MYLK3: variants seen among roughly 807,000 people sequenced by gnomAD.
MYLK3 encodes MLC kinase.
MYLK3 carries 55 observed loss-of-function variants against 76.3 expected under a neutral mutation model. The observed-to-expected ratio is 0.72, with a 90% confidence interval of 0.58 to 0.90. The LOEUF (loss-of-function observed/expected upper bound fraction) is 0.90, where lower values mean the gene tolerates loss of function less well. MYLK3 is among the 40% of genes least tolerant of loss of function. MYLK3 has a pLI of 0.00. For missense variants in MYLK3, 973 were observed against 1,053.6 expected, an observed-to-expected ratio of 0.92 and a Z score of 1.06; for synonymous variants, 416 against 425.4, an observed-to-expected ratio of 0.98 and a Z score of 0.27.
At chr16:46,720,972 G>A (rs750104850) in intron 9 of MYLK3, 151 bp downstream of exon 9, 3 of 715,360 alleles carry the variant, frequency 4.2e-6, no homozygotes, top group Non-Finnish European at 5.0e-6. Flanking sequence ...AGGCCTGTCT[G>A]CAAGTCAAAG....
intron 1 of MYLK3, among the ~76,000 whole-genome samples, chr16:46,758,651 A>G (rs1419927593): frequency 6.6e-6 from 1 of 152,154 alleles, no homozygotes; most frequent in Non-Finnish European, 1.5e-5. Context: ...CAGACACGAG[A>G]AGGGTCATTT....
At chr16:46,710,511 A>G (rs1966671458) in intron 11 of MYLK3, 126 bp downstream of exon 11, 2 of 1,099,866 alleles carry the variant, frequency 1.8e-6, no homozygotes. Context: ...AGAAGTAGCA[A>G]ACTAAGAAAT....
At chr16:46,746,589 T>C (rs1008745548) in intron 1 of MYLK3, among the ~76,000 whole-genome samples, 2 of 151,878 alleles carry the variant, frequency 1.3e-5, no homozygotes, top group African/African-American at 4.8e-5. Context: ...CCTGGTAAAT[T>C]TATTTATTTA....
At chr16:46,762,300 T>C (rs1047868331) in intron 1 of MYLK3, among the ~76,000 whole-genome samples, 1 of 152,196 alleles carries the variant, frequency 6.6e-6, no homozygotes, top group Admixed American at 6.5e-5. Flanking sequence ...ACAGATAATC[T>C]CTATTTTCTA....
At chr16:46,742,187 A>G (rs542195663) in intron 1 of MYLK3, among the ~76,000 whole-genome samples, 3 of 152,066 alleles carry the variant, frequency 2.0e-5, no homozygotes, top group South Asian at 4.2e-4. Flanking sequence ...TTATACCATC[A>G]TAATTATTAT....
At chr16:46,717,023 C>T (rs969270210) in intron 9 of MYLK3, among the ~76,000 whole-genome samples, 23 of 152,146 alleles carry the variant, frequency 1.5e-4, no homozygotes, top group Non-Finnish European at 2.9e-4. Context: ...GTAAGTATTT[C>T]CTTGAGTTAT....
chr16:46,732,765 A>G, intron 3 of MYLK3, 97 bp from the exon 4 acceptor site: 1 of 1,024,292 alleles, frequency 9.8e-7, no homozygotes, highest in Non-Finnish European at 1.4e-6. Flanking sequence ...ATCATTGACA[A>G]TGGCCCTGGG....
chr16:46,703,907 G>A lies in MYLK3; in HGVS notation c.*3797C>T, dbSNP rs569399762. The A allele has an allele frequency of 1.3e-5, 2 of 153,830 alleles. No individual in the cohort carries two copies. The highest frequency in any genetic ancestry group is 1.9e-4 in the East Asian group (1 of 5,192). 9.5% of individuals were successfully genotyped at this position (153,830 alleles called of 1,614,324 possible). A position where few individuals can be genotyped will look rare whatever the true frequency, so the allele number is the denominator to read the frequency against. ...ATGTGGCTAGTGCAACTGCAGAACT[G>A]AATTTCTAATTTTATTTAATTTTAA... On this transcript the variant is annotated 3_prime_UTR_variant, in exon 13 of 13. Coordinates refer to ENST00000394809, the MANE Select transcript of MYLK3 (RefSeq NM_182493.3).
intron 4 of MYLK3, among the ~76,000 whole-genome samples, chr16:46,731,337 G>A (rs1966852165): frequency 6.6e-6 from 1 of 152,232 alleles, no homozygotes; most frequent in Non-Finnish European, 1.5e-5. Context: ...TTTTTTAATG[G>A]TTTAGGGTTG....
At chr16:46,727,996 A>G (rs552520742) in intron 7 of MYLK3, among the ~76,000 whole-genome samples, 3 of 152,358 alleles carry the variant, frequency 2.0e-5, no homozygotes, top group African/African-American at 7.2e-5. Flanking sequence ...TCACCTATGG[A>G]GGCCAACTCA....
intron 3 of MYLK3, among the ~76,000 whole-genome samples, chr16:46,736,320 T>C (rs1325424316): frequency 2.0e-5 from 3 of 152,202 alleles, no homozygotes; most frequent in African/African-American, 7.2e-5. Flanking sequence ...CAGGATCCTC[T>C]GCACAGGCAG....
chr16:46,734,729 G>A (rs1966860505), intron 3 of MYLK3, among the ~76,000 whole-genome samples: 1 of 152,206 alleles, frequency 6.6e-6, no homozygotes, highest in Non-Finnish European at 1.5e-5. Flanking sequence ...CAAGGGCTGA[G>A]GGGCAGGAGG....
At chr16:46,745,033 C>T (rs551569297) in intron 1 of MYLK3, among the ~76,000 whole-genome samples, 1 of 151,658 alleles carries the variant, frequency 6.6e-6, no homozygotes, top group Admixed American at 6.6e-5. Context: ...AAAACATGCA[C>T]AATAATTTCC....
intron 3 of MYLK3, among the ~76,000 whole-genome samples, chr16:46,735,155 AG>A (rs1240631156): frequency 5.3e-5 from 8 of 149,906 alleles, no homozygotes; most frequent in Non-Finnish European, 1.2e-4. Context: ...AAAAAAAAGG[AG>A]GGGGGCGCTA....
In MYLK3 at chr16:46,732,345, G is replaced by A; in HGVS notation, c.1325C>T (p.Ala442Val). ...RSDDNDHEVG[A>V]LGLQQGKSPG... ...GCTTTTGCCCTGCTGCAGGCCCAGG[G>A]CCCCAACCTCGTGGTCATTGTCGTC... is the stretch of plus-strand genomic sequence containing the variant. Residue 442 changes from alanine to valine, a missense_variant, in exon 4 of 13, where the codon GCC becomes GTC. Coordinates refer to ENST00000394809, the MANE Select transcript of MYLK3 (RefSeq NM_182493.3). 3 of 1,613,238 alleles carry A rather than the reference G, an allele frequency of 1.9e-6. No homozygotes were observed. Among genetic ancestry groups the A allele is most frequent in the Non-Finnish European group, 2.5e-6 (3 of 1,180,024 alleles).
rs201767714 is a variant in MYLK3 at position 46,710,700 on chromosome 16, G to C, written c.2204C>G (p.Thr735Ser). The change falls in exon 11 of 13, where the codon ACC becomes AGC. Residue 735 changes from threonine to serine, a missense_variant. This residue lies in a region of MYLK3 where 332 missense variants were observed against 416.6 expected (regional missense o/e 0.80). Transcript: ENST00000394809. ...GGCCTCCTCCGAGAGCCCTTCAAAGGTGTCAGCATCAAAATCCCAGCTACA... is the reference window on the plus strand; with the variant it reads ...GGCCTCCTCCGAGAGCCCTTCAAAGCTGTCAGCATCAAAATCCCAGCTACA... Reference protein sequence around the residue: ...VNCSWDFDADTFEGLSEEAKD... With the variant: ...VNCSWDFDADSFEGLSEEAKD... 5 of 1,614,076 alleles carry C rather than the reference G, an allele frequency of 3.1e-6. No homozygotes were observed. The highest frequency in any genetic ancestry group is 4.2e-6 in the Non-Finnish European group (5 of 1,180,016).
chr16:46,707,391 T>C lies in MYLK3; in HGVS notation c.*313A>G. On this transcript the variant is annotated 3_prime_UTR_variant, in exon 13 of 13. Transcript: ENST00000394809. ...CTGAGTTCCTTAATCAGTGTGAGTT[T>C]AGAATTTAAATTCGACAGATGCAAA... 1 of 244,994 alleles carries C rather than the reference T, an allele frequency of 4.1e-6. No individual in the cohort carries two copies. The highest frequency in any genetic ancestry group is 7.8e-6 in the Non-Finnish European group (1 of 128,578). 15.2% of individuals were successfully genotyped at this position (244,994 alleles called of 1,614,324 possible).
intron 3 of MYLK3, among the ~76,000 whole-genome samples, chr16:46,734,255 C>T (rs1392374814): frequency 6.6e-6 from 1 of 152,204 alleles, no homozygotes; most frequent in East Asian, 1.9e-4. Context: ...GACGTTCTGA[C>T]ACACACTACA....
intron 7 of MYLK3, among the ~76,000 whole-genome samples, chr16:46,727,818 C>T (rs1486808311): frequency 2.6e-5 from 4 of 152,222 alleles, no homozygotes; most frequent in African/African-American, 4.8e-5. Context: ...TGAGCCACCC[C>T]GCCGGGCCTG....
Sources: gnomAD v4.1 joint callset for allele counts (sites outside exome capture counted in the v4.1 genomes callset) on GRCh38, gnomAD v4.1.1 for gene constraint, gnomAD v4.1.1 regional missense constraint, MANE v1.5 for transcripts, NCBI Gene and HGNC (gene_info 2026-07-23, HGNC 2026-07-21) for gene names.